Variants in TFEB observed in about 807,000 individuals in gnomAD.
The protein encoded by TFEB is T-cell transcription factor EB.
TFEB carries 12 observed loss-of-function variants against 48.0 expected under a neutral mutation model. The observed-to-expected ratio is 0.25, with a 90% CI of 0.16 to 0.40. The LOEUF is 0.40. Ranked by LOEUF, TFEB falls within the 10% of genes least tolerant of loss-of-function variation. The pLI is 1.00. For synonymous variants in TFEB, 244 were observed against 261.4 expected, an observed-to-expected ratio of 0.93 and a Z score of 0.64; for missense variants, 509 against 640.3, an observed-to-expected ratio of 0.79 and a Z score of 2.21.
intron 1 of TFEB, among the ~76,000 whole-genome samples, chr6:41,710,286 A>C (rs922528083): frequency 6.6e-6 from 1 of 152,144 alleles, no homozygotes. Flanking sequence ...AGCTCCCACC[A>C]TGTGGTCATG....
At position 41,686,076 on chromosome 6, in the gene TFEB, G is replaced by A; in HGVS notation, c.951+14C>T. 6.2e-7 allele frequency: 1 copy of A among 1,614,200 alleles called. No homozygotes were observed. The highest frequency in any genetic ancestry group is 8.5e-7 in the Non-Finnish European group (1 of 1,180,020). On this transcript the variant is annotated intron_variant, in intron 8 of 8. Transcript: ENST00000373033. The stretch of plus-strand genomic sequence containing the variant: ...GGTCAGAGTTACCAAAGAAGTCCAA[G>A]TTCAGGACCAGACCTGGATACGGAG...
Position 41,689,775 on chromosome 6 carries a change from C to T in TFEB, c.505G>A (p.Asp169Asn), listed in dbSNP as rs1311125282. 3.1e-6 allele frequency: 5 copies of T among 1,614,082 alleles called. No individual in the cohort carries two copies. Among genetic ancestry groups the T allele is most frequent in the South Asian group, 1.1e-5 (1 of 91,080 alleles). Residue 169 changes from aspartate to asparagine, a missense_variant, in exon 4 of 9, where the codon GAT (aspartate) becomes AAT (asparagine). Asp to Asn is a conservative substitution (Grantham distance 23). Coordinates refer to ENST00000373033, the MANE Select transcript of TFEB (RefSeq NM_001271944.2). ...DVIDNIMRLDDVLGYINPEMQ... is the reference protein window; with the variant it reads ...DVIDNIMRLDNVLGYINPEMQ... ...TCAGGATTGATGTAGCCAAGGACATCGTCCAGACGCATAATGTTGTCAATG... is the reference window on the plus strand; with the variant it reads ...TCAGGATTGATGTAGCCAAGGACATTGTCCAGACGCATAATGTTGTCAATG...
chr6:41,697,913 G>T (rs893538467), intron 1 of TFEB, among the ~76,000 whole-genome samples: 12 of 152,052 alleles, frequency 7.9e-5, no homozygotes, highest in Non-Finnish European at 1.6e-4. Context: ...AAACCTCTTG[G>T]GAGGAAATAT....
At chr6:41,717,234 A>G (rs908085605) in intron 1 of TFEB, among the ~76,000 whole-genome samples, 1 of 152,222 alleles carries the variant, frequency 6.6e-6, no homozygotes, top group Non-Finnish European at 1.5e-5. Context: ...AACTGAGAGC[A>G]GAGAGAGGCA....
Position 41,720,210 on chromosome 6 carries a change from A to T in TFEB, c.-23+15140T>A, listed in dbSNP as rs1389388875. Among the ~76,000 whole-genome samples the T allele has an allele frequency of 6.6e-6, 1 of 152,100 alleles. No individual in the cohort carries two copies. The highest frequency in any genetic ancestry group is 1.5e-5 in the Non-Finnish European group (1 of 68,002). On this transcript the variant is annotated intron_variant, in intron 1 of 8. Coordinates refer to ENST00000373033, the MANE Select transcript of TFEB (RefSeq NM_001271944.2). The surrounding 1 kb of genome is among the most constrained non-coding windows in gnomAD (Gnocchi z 4.1). ...CCCCTTAAGCTGGGACTCCTGGGGT[A>T]CTCAATGAAGAGTGGAGCTTTAGAG...
intron 1 of TFEB, among the ~76,000 whole-genome samples, chr6:41,731,427 C>T (rs776305607): frequency 1.8e-4 from 28 of 152,330 alleles, no homozygotes; most frequent in Admixed American, 5.9e-4. Flanking sequence ...TTAGCTAAAG[C>T]TCAATTCTGC....
chr6:41,690,679 G>C lies in TFEB; in HGVS notation c.452C>G (p.Ser151Cys), dbSNP rs779602633. Residue 151 changes from serine (S) to cysteine (C), a missense_variant, in exon 3 of 9, where the codon TCC (serine) becomes TGC (cysteine). By Grantham distance (112) the Ser-to-Cys change is moderately radical. Transcript: ENST00000373033. The part of the protein sequence containing the change: ...NSPMAMLHIG[S>C]NPERELDDVI... ...CTCACTCACCTCCCTCTCAGGGTTG[G>C]AGCCAATGTGCAGCATGGCCATGGG... The C allele has an allele frequency of 8.6e-5, 132 of 1,533,274 alleles. No homozygotes were observed. Among genetic ancestry groups the C allele is most frequent in the Non-Finnish European group, 1.1e-4 (128 of 1,135,018 alleles). 95.0% of individuals were successfully genotyped at this position (1,533,274 alleles called of 1,614,324 possible).
chr6:41,694,796 G>A (rs999627234), intron 1 of TFEB, among the ~76,000 whole-genome samples: 1 of 152,002 alleles, frequency 6.6e-6, no homozygotes, highest in Admixed American at 6.6e-5. Flanking sequence ...TAACACTGGG[G>A]GCCTGGAGTG....
At chr6:41,717,688 G>A (rs1250117667) in intron 1 of TFEB, among the ~76,000 whole-genome samples, 2 of 152,154 alleles carry the variant, frequency 1.3e-5, no homozygotes, top group African/African-American at 4.8e-5. Context: ...GCAGGAGGGG[G>A]CCAGAAAAAG....
chr6:41,714,797 A>AG (rs905752434), intron 1 of TFEB, among the ~76,000 whole-genome samples: 2 of 152,122 alleles, frequency 1.3e-5, no homozygotes, highest in Non-Finnish European at 2.9e-5. Flanking sequence ...CCACACCCCA[A>AG]GGGACTCCAG....
chr6:41,698,162 T>C (rs1004328689), intron 1 of TFEB, among the ~76,000 whole-genome samples: 7 of 152,340 alleles, frequency 4.6e-5, no homozygotes, highest in African/African-American at 1.4e-4. Flanking sequence ...TGGGTACCAT[T>C]ATTGTCCCCA....
intron 4 of TFEB, 91 bp downstream of exon 4, chr6:41,689,640 C>A (rs1031783038): frequency 3.1e-5 from 30 of 981,432 alleles, no homozygotes; most frequent in Non-Finnish European, 4.7e-5. Context: ...CCAGTGAGAA[C>A]CCTGTCTCCA....
intron 8 of TFEB, among the ~76,000 whole-genome samples, chr6:41,685,551 A>G (rs1768954839): frequency 6.6e-6 from 1 of 152,218 alleles, no homozygotes; most frequent in African/African-American, 2.4e-5. Context: ...AGAGGACAAG[A>G]GGCCCTCAAC....
rs1770912872 is a variant in TFEB at position 41,720,071 on chromosome 6, C to T, written c.-23+15279G>A. On this transcript the variant is annotated intron_variant, in intron 1 of 8. Transcript: ENST00000373033. This position sits in a 1 kb window ranked among gnomAD's most constrained non-coding sequence, Gnocchi z 4.1. ...AACACCACATTCTACTGTGGGAGCT[C>T]ATGCCTGAGCCTCTGGGCTCTGTGC... 6.6e-6 allele frequency among the ~76,000 whole-genome samples: 1 copy of T among 152,218 alleles called. No homozygotes were observed. Among genetic ancestry groups the T allele is most frequent in the South Asian group, 2.1e-4 (1 of 4,834 alleles).
At chr6:41,690,617 C>T in intron 3 of TFEB, 46 bp downstream of exon 3, 1 of 1,482,528 alleles carries the variant, frequency 6.7e-7, no homozygotes, top group Non-Finnish European at 9.0e-7. Context: ...CAGCAGTGGG[C>T]ACGAGCTCTG....
intron 1 of TFEB, chr6:41,733,482 C>T (rs1185692766): frequency 3.0e-6 from 1 of 332,870 alleles, no homozygotes; most frequent in Non-Finnish European, 4.3e-6. Flanking sequence ...AAATGGTAAG[C>T]ACCATTGGCT....
chr6:41,734,460 G>T lies in TFEB; in HGVS notation c.-23+890C>A. Reference sequence around the variant, plus strand: ...ATCTGCCCGCTCCCTTCCAGGAGGCGAGCGGACGCGCTGGGCCAGAGCTGG... The same window carrying T: ...ATCTGCCCGCTCCCTTCCAGGAGGCTAGCGGACGCGCTGGGCCAGAGCTGG... On this transcript the variant is annotated intron_variant, in intron 1 of 8. Coordinates refer to ENST00000373033, the MANE Select transcript of TFEB (RefSeq NM_001271944.2). This position sits in a 1 kb window ranked among gnomAD's most constrained non-coding sequence, Gnocchi z 4.0. The T allele has an allele frequency of 1.2e-6, 1 of 858,290 alleles. No homozygotes were observed. Among genetic ancestry groups the T allele is most frequent in the South Asian group, 5.3e-5 (1 of 18,724 alleles). 53.2% of individuals were successfully genotyped at this position (858,290 alleles called of 1,614,324 possible).
In TFEB at chr6:41,684,565, C is replaced by T. The variant is rs770950618; in HGVS notation, c.*34G>A. 6 of 1,512,306 alleles carry T rather than the reference C, an allele frequency of 4.0e-6. No homozygotes were observed. Among genetic ancestry groups the T allele is most frequent in the East Asian group, 2.3e-5 (1 of 42,574 alleles). 93.7% of individuals were successfully genotyped at this position (1,512,306 alleles called of 1,614,324 possible). On this transcript the variant is annotated 3_prime_UTR_variant, in exon 9 of 9. Coordinates refer to ENST00000373033, the MANE Select transcript of TFEB (RefSeq NM_001271944.2). ...CCCCTGGCCCTCCCAGCCCCCAGGC[C>T]GGCCCCTGTTCCCTGGCACAGGGGC...
chr6:41,688,205 T>A, intron 4 of TFEB, 177 bp from the exon 5 acceptor site: 1 of 686,242 alleles, frequency 1.5e-6, no homozygotes. Context: ...AGAGCTATTA[T>A]AAGATGTAGT....
Sources: allele counts gnomAD v4.1 joint callset (sites outside exome capture counted in the v4.1 genomes callset), GRCh38; gene constraint gnomAD v4.1.1; non-coding constraint Gnocchi (gnomAD v3.1); transcripts MANE v1.5; gene names NCBI Gene and HGNC (gene_info 2026-07-23, HGNC 2026-07-21).